VRK2: variants seen among roughly 807,000 people sequenced by gnomAD.
The protein encoded by VRK2 is serine/threonine-protein kinase VRK2.
A neutral mutation model predicts 57.6 loss-of-function variants in VRK2; 60 were observed. That is an observed-to-expected ratio of 1.04 (90% CI 0.85 to 1.29). The LOEUF (loss-of-function observed/expected upper bound fraction) is 1.29, where lower values mean the gene tolerates loss of function less well. Ranked by LOEUF, VRK2 falls within the 50% of genes most tolerant of loss-of-function variation. The pLI is 0.00. For missense variants in VRK2, 705 were observed against 588.1 expected (o/e 1.20, Z -2.06); for synonymous variants, 231 against 199.2 (o/e 1.16, Z -1.35).
intron 1 of VRK2, among the ~76,000 whole-genome samples, chr2:57,988,208 T>C (rs980462155): frequency 2.0e-5 from 3 of 152,244 alleles, no homozygotes; most frequent in Non-Finnish European, 4.4e-5. Context: ...ACTGTCCTAT[T>C]CAAGTTTTAT....
chr2:58,019,305 CTAAT>C (rs1261003030), intron 1 of VRK2, among the ~76,000 whole-genome samples: 1 of 152,116 alleles, frequency 6.6e-6, no homozygotes, highest in East Asian at 1.9e-4. Flanking sequence ...TGCTTTAAGA[CTAAT>C]TAATAAGTAT....
At chr2:58,101,094 T>C (rs1673894569) in intron 7 of VRK2, among the ~76,000 whole-genome samples, 1 of 151,684 alleles carries the variant, frequency 6.6e-6, no homozygotes, top group Admixed American at 6.6e-5. Context: ...ATGGAAAATA[T>C]TGAAGAAAAC....
intron 9 of VRK2, 148 bp from the exon 10 acceptor site, chr2:58,134,993 C>A: frequency 1.4e-6 from 1 of 730,130 alleles, no homozygotes; most frequent in South Asian, 1.9e-5. Context: ...TGCTTACTTT[C>A]CTATCCATTA....
chr2:58,051,742 G>A (rs79233170), intron 2 of VRK2, among the ~76,000 whole-genome samples: 176 of 152,216 alleles, frequency 1.2e-3, no homozygotes, highest in African/African-American at 4.1e-3. Flanking sequence ...AGGGCCTTTC[G>A]GTAATCAGCA....
intron 2 of VRK2, among the ~76,000 whole-genome samples, chr2:58,069,839 C>A (rs1558593016): frequency 6.6e-6 from 1 of 152,074 alleles, no homozygotes; most frequent in Non-Finnish European, 1.5e-5. Context: ...TTTTGTTTGC[C>A]CCAGTGTCAA....
chr2:57,974,022 C>T (rs1387948368), intron 1 of VRK2, among the ~76,000 whole-genome samples: 4 of 151,752 alleles, frequency 2.6e-5, no homozygotes. Flanking sequence ...AGGAGGTAGA[C>T]ATGTTCCAGA....
chr2:58,122,814 T>G (rs1200958111), intron 7 of VRK2, among the ~76,000 whole-genome samples: 3 of 152,182 alleles, frequency 2.0e-5, no homozygotes, highest in Non-Finnish European at 4.4e-5. Context: ...TGGTTTATGA[T>G]GTCTAGATGC....
intron 12 of VRK2, among the ~76,000 whole-genome samples, chr2:58,158,521 G>A (rs187864883): frequency 6.6e-6 from 1 of 152,196 alleles, no homozygotes; most frequent in Admixed American, 6.5e-5. Flanking sequence ...GCTATTCTGA[G>A]AATGATGGAC....
At chr2:58,130,343 G>A (rs1267378228) in intron 8 of VRK2, among the ~76,000 whole-genome samples, 2 of 152,132 alleles carry the variant, frequency 1.3e-5, no homozygotes, top group Non-Finnish European at 2.9e-5. Flanking sequence ...CATTATTAAT[G>A]GGAGATTTAT....
chr2:58,125,775 T>C (rs1260212155), intron 8 of VRK2, among the ~76,000 whole-genome samples: 4 of 152,048 alleles, frequency 2.6e-5, no homozygotes, highest in African/African-American at 9.7e-5. Context: ...TATACACACA[T>C]ATATAGATAT....
At chr2:58,138,399 A>G (rs1317119614) in intron 10 of VRK2, among the ~76,000 whole-genome samples, 4 of 152,156 alleles carry the variant, frequency 2.6e-5, no homozygotes, top group Non-Finnish European at 5.9e-5. Context: ...AGATGAAAAA[A>G]ACAGGTTGCA....
At chr2:58,013,257 T>A (rs907468867) in intron 1 of VRK2, among the ~76,000 whole-genome samples, 2 of 152,224 alleles carry the variant, frequency 1.3e-5, no homozygotes, top group African/African-American at 4.8e-5. Flanking sequence ...AGTACATAAC[T>A]TGTATGCATT....
chr2:58,136,967 C>CAT (rs201595853), intron 10 of VRK2, among the ~76,000 whole-genome samples: 3,336 of 122,496 alleles, frequency 0.027, 241 homozygotes, highest in African/African-American at 0.1. Flanking sequence ...GTATATATAT[C>CAT]ATATATTATA....
At chr2:57,916,699 G>T (rs922621361) in intron 1 of VRK2, among the ~76,000 whole-genome samples, 1 of 152,114 alleles carries the variant, frequency 6.6e-6, no homozygotes, top group Non-Finnish European at 1.5e-5. Context: ...TGCCCAAAGT[G>T]ATGCAGCTCA....
At chr2:58,014,312 T>C (rs1309537339) in intron 1 of VRK2, among the ~76,000 whole-genome samples, 1 of 152,196 alleles carries the variant, frequency 6.6e-6, no homozygotes, top group African/African-American at 2.4e-5. Flanking sequence ...CAAAGATAAC[T>C]CCACTTAATA....
rs1023317375 is a variant in VRK2 at position 57,985,878 on chromosome 2, C to T, written c.-438-39787C>T. Among the ~76,000 whole-genome samples, 6 of 151,710 alleles carry T rather than the reference C, an allele frequency of 4.0e-5. No homozygotes were observed. The East Asian group carries it at 7.7e-4, about 19-fold the overall frequency. ...AATGCAAAGTCAATATGAAAAAAAC[C>T]GTATCTTATATATAGTAACAATGAA... On this transcript the variant is annotated intron_variant, in intron 1 of 15. Coordinates refer to the VRK2 transcript ENST00000417641.
At chr2:57,928,738 T>C (rs1670623063) in intron 1 of VRK2, among the ~76,000 whole-genome samples, 1 of 152,240 alleles carries the variant, frequency 6.6e-6, no homozygotes. Context: ...TCTATGTTTT[T>C]AGTCTCTGCA....
chr2:58,012,424 A>G (rs2103650567), intron 1 of VRK2, among the ~76,000 whole-genome samples: 1 of 152,252 alleles, frequency 6.6e-6, no homozygotes, highest in South Asian at 2.1e-4. Context: ...CAGCACTTCA[A>G]TGTTTTGGAG....
intron 2 of VRK2, among the ~76,000 whole-genome samples, chr2:58,077,683 C>T (rs1219939152): frequency 1.3e-5 from 2 of 152,038 alleles, no homozygotes; most frequent in Admixed American, 1.3e-4. Flanking sequence ...TCCTTCCATA[C>T]CCTCTCTGGC....
Sources: gnomAD v4.1 joint callset for allele counts (sites outside exome capture counted in the v4.1 genomes callset) on GRCh38, gnomAD v4.1.1 for gene constraint, MANE v1.5 for transcripts, NCBI Gene and HGNC (gene_info 2026-07-23, HGNC 2026-07-21) for gene names.